The following SMARCC1 variants were observed in gnomAD, a reference collection of about 807,000 sequenced individuals.
SMARCC1 encodes SWI/SNF complex subunit SMARCC1.
SMARCC1 carries 43 observed loss-of-function variants against 147.4 expected under a neutral mutation model. That is an observed-to-expected ratio of 0.29 (90% CI 0.23 to 0.38). The LOEUF is 0.38. Ranked by LOEUF, SMARCC1 falls within the 10% of genes least tolerant of loss-of-function variation. The pLI, the probability that SMARCC1 is intolerant of heterozygous loss-of-function variation, is 1.00. For synonymous variants in SMARCC1, 495 were observed against 484.4 expected, an observed-to-expected ratio of 1.02 and a Z score of -0.29; for missense variants, 1,119 against 1,381.1, an observed-to-expected ratio of 0.81 and a Z score of 3.01.
chr3:47,593,878 T>A (rs2032225608), intron 26 of SMARCC1, among the ~76,000 whole-genome samples: 1 of 152,118 alleles, frequency 6.6e-6, no homozygotes, highest in Non-Finnish European at 1.5e-5. Flanking sequence ...GAATTAGGAA[T>A]AAGGGGCTGG....
intron 26 of SMARCC1, among the ~76,000 whole-genome samples, chr3:47,598,193 C>T (rs2032322176): frequency 6.6e-6 from 1 of 152,136 alleles, no homozygotes; most frequent in African/African-American, 2.4e-5. Context: ...TAAATCACTA[C>T]TAATGATTCT....
Position 47,731,735 on chromosome 3 carries a change from G to A in SMARCC1, c.577-2641C>T, listed in dbSNP as rs77107115. On this transcript the variant is annotated intron_variant, in intron 5 of 27. Transcript: ENST00000254480. ...GAGCAGTAATATTTCAAAAGAAATTGTTTTTCCTGAGCAGTAGGTCTCTAC... is the reference window on the plus strand; with the variant it reads ...GAGCAGTAATATTTCAAAAGAAATTATTTTTCCTGAGCAGTAGGTCTCTAC... Among the ~76,000 whole-genome samples the A allele has an allele frequency of 1.1e-3, 165 of 152,296 alleles. 4 individuals carry two copies. The East Asian group carries it at 0.03, about 28-fold the overall frequency.
intron 6 of SMARCC1, among the ~76,000 whole-genome samples, chr3:47,724,652 A>T (rs1289007574): frequency 6.6e-6 from 1 of 152,186 alleles, no homozygotes; most frequent in Non-Finnish European, 1.5e-5. Flanking sequence ...TATTCTTCCA[A>T]TGTGGCCCAG....
intron 1 of SMARCC1, among the ~76,000 whole-genome samples, chr3:47,780,177 T>TTTG (rs2035028173): frequency 7.3e-6 from 1 of 136,556 alleles, no homozygotes; most frequent in South Asian, 2.4e-4. Context: ...TGTTTTTTTT[T>TTTG]TTTTTTTTTT....
chr3:47,780,999 A>G (rs771910569), intron 1 of SMARCC1, among the ~76,000 whole-genome samples: 11 of 152,230 alleles, frequency 7.2e-5, no homozygotes, highest in Admixed American at 1.3e-4. Flanking sequence ...GTGCTCTAAT[A>G]AAAACTGGGT....
chr3:47,761,945 A>AT (rs1359901809), intron 2 of SMARCC1, among the ~76,000 whole-genome samples: 3 of 151,548 alleles, frequency 2.0e-5, no homozygotes, highest in Admixed American at 6.6e-5. Flanking sequence ...AATAGCTGGG[A>AT]TTTTTTTTGT....
At chr3:47,706,287 G>A in intron 10 of SMARCC1, 122 bp downstream of exon 10, 1 of 885,266 alleles carries the variant, frequency 1.1e-6, no homozygotes, top group Non-Finnish European at 1.5e-6. Context: ...GGCCAGGCTG[G>A]ATTTGAACTA....
rs1162485087 is a variant in SMARCC1, at chr3:47,720,666, C to A, written c.716G>T (p.Ser239Ile). 6.3e-7 allele frequency: 1 copy of A among 1,597,190 alleles called. No individual in the cohort carries two copies. Among genetic ancestry groups the A allele is most frequent in the African/African-American group, 1.3e-5 (1 of 74,582 alleles). Residue 239 changes from serine to isoleucine, a missense_variant and splice_region_variant, in exon 7 of 28, where the codon AGC becomes ATC. Ser to Ile is a moderately radical substitution (Grantham distance 142, BLOSUM62 -2). Transcript: ENST00000254480. ...VLVHWGFYPDSYDTWVHSNDV... is the reference protein window; with the variant it reads ...VLVHWGFYPDIYDTWVHSNDV... ...AGGTCTCACAGCATATGAACATTAC[C>A]TGTCTGGGTAAAAGCCCCAATGCAC...
At chr3:47,608,741 CAGGAGGCTGAGAT>C (rs1202502261) in intron 26 of SMARCC1, among the ~76,000 whole-genome samples, 2 of 149,868 alleles carry the variant, frequency 1.3e-5, no homozygotes, top group East Asian at 2.0e-4. Context: ...CACAGCTACA[CAGGAGGCTGAGAT>C]GGGAGGATTG....
chr3:47,757,919 T>C (rs2034721449), intron 2 of SMARCC1, among the ~76,000 whole-genome samples: 1 of 151,776 alleles, frequency 6.6e-6, no homozygotes, highest in South Asian at 2.1e-4. Flanking sequence ...ACCTATGACA[T>C]AGCAAGTAAA....
At chr3:47,618,884 C>CTAAT (rs1187817832) in intron 25 of SMARCC1, among the ~76,000 whole-genome samples, 1 of 152,282 alleles carries the variant, frequency 6.6e-6, no homozygotes, top group East Asian at 1.9e-4. Flanking sequence ...ATATTCAAGG[C>CTAAT]TAATGGATCA....
chr3:47,735,945 C>T (rs1409666408), intron 5 of SMARCC1, 89 bp downstream of exon 5: 3 of 492,058 alleles, frequency 6.1e-6, no homozygotes, highest in African/African-American at 4.1e-5. Context: ...AAATCCAAAA[C>T]ATTACTATGG....
At chr3:47,631,728 A>G (rs1357590891) in intron 24 of SMARCC1, among the ~76,000 whole-genome samples, 1 of 152,270 alleles carries the variant, frequency 6.6e-6, no homozygotes, top group African/African-American at 2.4e-5. Context: ...CAGTATGACA[A>G]AAGATTCTTA....
intron 13 of SMARCC1, among the ~76,000 whole-genome samples, chr3:47,687,107 C>T (rs1208628191): frequency 6.6e-6 from 1 of 152,014 alleles, no homozygotes; most frequent in Non-Finnish European, 1.5e-5. Flanking sequence ...TTTGAAGTGA[C>T]GATCTAGTGT....
At chr3:47,591,319 T>G (rs546310306) in intron 26 of SMARCC1, among the ~76,000 whole-genome samples, 201 of 152,038 alleles carry the variant, frequency 1.3e-3, no homozygotes, top group Non-Finnish European at 2.7e-3. Flanking sequence ...ATTATTACTG[T>G]GAAATCACCA....
chr3:47,606,238 C>G (rs1479972566), intron 26 of SMARCC1, among the ~76,000 whole-genome samples: 1 of 152,172 alleles, frequency 6.6e-6, no homozygotes, highest in Admixed American at 6.5e-5. Context: ...TTTATGAACT[C>G]TAGTTTGCGG....
chr3:47,778,190 CAA>C (rs762774696), intron 1 of SMARCC1, among the ~76,000 whole-genome samples: 1 of 53,162 alleles, frequency 1.9e-5, no homozygotes, highest in Non-Finnish European at 3.4e-5. Flanking sequence ...GACTCCATCT[CAA>C]AAAAAAAAAA....
chr3:47,675,570 T>A lies in SMARCC1; in HGVS notation c.1744A>T (p.Met582Leu), dbSNP rs1266855754. ...TTGTTTTTCTCAGGAAAATTTAGCA[T>A]CTGTTGAGCAGCAGGAACCTGAGTC... Reference protein sequence around the residue: ...RSPQVPAAQQMLNFPEKNKEK... With the variant: ...RSPQVPAAQQLLNFPEKNKEK... The change falls in exon 18 of 28, where the codon ATG (methionine) becomes TTG (leucine). Residue 582 changes from methionine (M) to leucine (L), a missense_variant. Physicochemically the swap from Met to Leu is conservative, Grantham distance 15 (BLOSUM62 2). This residue lies in a region of SMARCC1 where 178 missense variants were observed against 264.6 expected (regional missense o/e 0.67). Transcript: ENST00000254480. 1.2e-6 allele frequency: 2 copies of A among 1,604,788 alleles called. No homozygotes were observed. The highest frequency in any genetic ancestry group is 1.7e-6 in the Non-Finnish European group (2 of 1,171,618).
At chr3:47,653,784 A>G (rs898645475) in intron 21 of SMARCC1, among the ~76,000 whole-genome samples, 2 of 152,224 alleles carry the variant, frequency 1.3e-5, no homozygotes, top group African/African-American at 4.8e-5. Context: ...AAGAGGACCC[A>G]AATTCTGTTG....
Sources: gnomAD v4.1 joint callset for allele counts (sites outside exome capture counted in the v4.1 genomes callset) on GRCh38, gnomAD v4.1.1 for gene constraint, gnomAD v4.1.1 regional missense constraint, MANE v1.5 for transcripts, NCBI Gene and HGNC (gene_info 2026-07-23, HGNC 2026-07-21) for gene names.